The following LRRC72 variants were observed in gnomAD, a reference collection of about 807,000 sequenced individuals.
LRRC72 encodes the protein leucine-rich repeat-containing protein 72.
A neutral mutation model predicts 35.8 loss-of-function variants in LRRC72; 41 were observed. The ratio of observed to expected loss-of-function variants is 1.15; its 90% CI spans 0.89 to 1.49. LRRC72 has a LOEUF of 1.49. LRRC72 is among the 40% of genes most tolerant of loss of function. The probability of loss-of-function intolerance (pLI) is 0.00; values close to 1 mark genes in which losing one functional copy is unlikely to be tolerated. For missense variants in LRRC72, 389 were observed against 330.7 expected (o/e 1.18, Z -1.37); for synonymous variants, 118 against 119.2 (o/e 0.99, Z 0.07).
intron 7 of LRRC72, among the ~76,000 whole-genome samples, chr7:16,578,516 AC>A (rs1322668159): frequency 5.3e-5 from 8 of 152,198 alleles, no homozygotes; most frequent in African/African-American, 1.9e-4. Flanking sequence ...AAAACAAAAA[AC>A]AAAACCACAC....
intron 8 of LRRC72, among the ~76,000 whole-genome samples, chr7:16,580,485 A>T (rs1250026707): frequency 1.3e-5 from 2 of 152,098 alleles, no homozygotes; most frequent in Non-Finnish European, 2.9e-5. Flanking sequence ...TCTACTAAAA[A>T]TACAAAATAT....
chr7:16,535,064 C>G (rs1583635216), intron 2 of LRRC72, among the ~76,000 whole-genome samples: 1 of 152,140 alleles, frequency 6.6e-6, no homozygotes, highest in East Asian at 1.9e-4. Flanking sequence ...TGGCATGCAC[C>G]TGTGGTCCCA....
chr7:16,531,046 A>C (rs1782152286), intron 1 of LRRC72, among the ~76,000 whole-genome samples: 1 of 151,974 alleles, frequency 6.6e-6, no homozygotes, highest in South Asian at 2.1e-4. Context: ...AAAATTATTC[A>C]GGTGTGGCAG....
chr7:16,548,303 T>C (rs1292085333), intron 3 of LRRC72, among the ~76,000 whole-genome samples: 1 of 152,130 alleles, frequency 6.6e-6, no homozygotes, highest in Non-Finnish European at 1.5e-5. Flanking sequence ...ATGGCGGGGC[T>C]AAAAGAGCCA....
intron 3 of LRRC72, among the ~76,000 whole-genome samples, chr7:16,543,080 A>C (rs2128335625): frequency 6.6e-6 from 1 of 152,360 alleles, no homozygotes; most frequent in Middle Eastern, 3.4e-3. Context: ...TCCATCAAAA[A>C]TTAAAGTCTT....
chr7:16,556,536 G>A (rs13247865), intron 3 of LRRC72, among the ~76,000 whole-genome samples: 1 of 151,960 alleles, frequency 6.6e-6, no homozygotes, highest in African/African-American at 2.4e-5. Flanking sequence ...TTAGCACTGC[G>A]CCTGATCTGG....
intron 3 of LRRC72, among the ~76,000 whole-genome samples, chr7:16,552,516 C>T (rs1782570754): frequency 6.6e-6 from 1 of 152,178 alleles, no homozygotes; most frequent in Non-Finnish European, 1.5e-5. Flanking sequence ...AGTGCAGTTA[C>T]TTGTGTGTGA....
chr7:16,567,606 G>A, intron 7 of LRRC72, 63 bp downstream of exon 7: 2 of 1,263,014 alleles, frequency 1.6e-6, no homozygotes, highest in Non-Finnish European at 2.1e-6. Flanking sequence ...AAACTTTTGG[G>A]TAATTTGATT....
intron 3 of LRRC72, among the ~76,000 whole-genome samples, chr7:16,546,210 A>G (rs1438100596): frequency 6.6e-6 from 1 of 152,230 alleles, no homozygotes; most frequent in African/African-American, 2.4e-5. Flanking sequence ...TAAACATACA[A>G]TAACATACTG....
At chr7:16,544,922 G>A (rs1404519150) in intron 3 of LRRC72, among the ~76,000 whole-genome samples, 1 of 152,176 alleles carries the variant, frequency 6.6e-6, no homozygotes, top group East Asian at 1.9e-4. Context: ...ATAAAAGGAC[G>A]CTTCTGGCGA....
rs1782617769 is a variant in LRRC72, at chr7:16,554,648, TC to T, written c.235-2711del. Among the ~76,000 whole-genome samples, 3 of 152,282 alleles carry T rather than the reference TC, an allele frequency of 2.0e-5. No homozygotes were observed. In the South Asian group the frequency reaches 6.2e-4, roughly 32 times the overall value. On this transcript the variant is annotated intron_variant, in intron 3 of 8. Transcript: ENST00000401542. ...GGCAATAACATTCTTCTAAACAAGATCTTTTAATAGCTCCCCAAGGTCCTCA... is the reference window on the plus strand; with the variant it reads ...GGCAATAACATTCTTCTAAACAAGATTTTTAATAGCTCCCCAAGGTCCTCA...
Position 16,558,917 on chromosome 7 carries a change from ACTC to A in LRRC72, c.348_350del (p.Leu118del). On this transcript the variant is annotated inframe_deletion, in exon 5 of 9. Coordinates refer to ENST00000401542, the MANE Select transcript of LRRC72 (RefSeq NM_001195280.2). ...TGCATTATTTGCCTTCATTGCATAT[ACTC>A]CTGCTACACCACAATGAGCTAACCA... is the stretch of plus-strand genomic sequence containing the variant. 2 of 1,518,942 alleles carry A rather than the reference ACTC, an allele frequency of 1.3e-6. No individual in the cohort carries two copies. The highest frequency in any genetic ancestry group is 1.8e-6 in the Non-Finnish European group (2 of 1,128,272). The allele number at this position is 1,518,942 out of a possible 1,614,324, so 94.1% of individuals were successfully genotyped here.
At chr7:16,566,729 C>G (rs1394876901) in intron 6 of LRRC72, among the ~76,000 whole-genome samples, 1 of 151,954 alleles carries the variant, frequency 6.6e-6, no homozygotes, top group Non-Finnish European at 1.5e-5. Flanking sequence ...TTTCTTATCT[C>G]AAAAGTGAGG....
chr7:16,579,428 T>C (rs994887176), intron 7 of LRRC72, among the ~76,000 whole-genome samples: 1 of 152,130 alleles, frequency 6.6e-6, no homozygotes, highest in Non-Finnish European at 1.5e-5. Flanking sequence ...TACTGTGGGC[T>C]TCTCTGGCAC....
intron 3 of LRRC72, among the ~76,000 whole-genome samples, chr7:16,550,233 A>T (rs936651360): frequency 3.3e-5 from 5 of 152,162 alleles, no homozygotes; most frequent in African/African-American, 1.2e-4. Flanking sequence ...ATAAAATAAA[A>T]AAAGGTGTAG....
chr7:16,543,677 G>A (rs1782397964), intron 3 of LRRC72, among the ~76,000 whole-genome samples: 1 of 152,206 alleles, frequency 6.6e-6, no homozygotes, highest in African/African-American at 2.4e-5. Context: ...TAACCTAATT[G>A]TAACAGACAC....
At chr7:16,540,841 T>A (rs1782344577) in intron 3 of LRRC72, among the ~76,000 whole-genome samples, 1 of 151,726 alleles carries the variant, frequency 6.6e-6, no homozygotes, top group Admixed American at 6.6e-5. Flanking sequence ...TTCCCAGCCA[T>A]GTGGAACTGT....
At chr7:16,566,734 G>A (rs916855511) in intron 6 of LRRC72, among the ~76,000 whole-genome samples, 1 of 152,080 alleles carries the variant, frequency 6.6e-6, no homozygotes, top group African/African-American at 2.4e-5. Context: ...TATCTCAAAA[G>A]TGAGGGAATT....
At chr7:16,556,729 C>A (rs749063569) in intron 3 of LRRC72, among the ~76,000 whole-genome samples, 1 of 152,054 alleles carries the variant, frequency 6.6e-6, no homozygotes, top group Non-Finnish European at 1.5e-5. Context: ...AAAAGTGGGT[C>A]AATAGGGCAA....
Sources: gnomAD v4.1 joint callset for allele counts (sites outside exome capture counted in the v4.1 genomes callset) on GRCh38, gnomAD v4.1.1 for gene constraint, MANE v1.5 for transcripts, NCBI Gene and HGNC (gene_info 2026-07-23, HGNC 2026-07-21) for gene names.